Variants in C5 observed in about 807,000 individuals in gnomAD.
C5 encodes complement C5.
Under a neutral mutation model 218.8 loss-of-function variants are expected in C5, and 140 were observed. That is an observed-to-expected ratio of 0.64 (90% CI 0.56 to 0.74). The LOEUF (loss-of-function observed/expected upper bound fraction) is 0.74, where lower values mean the gene tolerates loss of function less well. C5 is among the 30% of genes least tolerant of loss of function. The pLI is 0.00. For missense variants in C5, 1,700 were observed against 1,969.6 expected (o/e 0.86, Z 2.59); for synonymous variants, 614 against 682.3 (o/e 0.90, Z 1.56).
In C5 at chr9:120,958,160, C is replaced by T. The variant is rs1284146149; in HGVS notation, c.4679-792G>A. 2.0e-5 allele frequency among the ~76,000 whole-genome samples: 3 copies of T among 152,168 alleles called. No homozygotes were observed. The East Asian group carries it at 5.8e-4, about 29-fold the overall frequency. ...ACTGATTGAGAGGTAGCTAGGTGAA[C>T]TCATCATGGCAGAACCAGGGGCTAT... is the stretch of plus-strand genomic sequence containing the variant. On this transcript the variant is annotated intron_variant, in intron 38 of 40. Coordinates refer to ENST00000223642, the MANE Select transcript of C5 (RefSeq NM_001735.3).
the C5 span, among the ~76,000 whole-genome samples, chr9:121,068,220 A>G: frequency 1.3e-5 from 2 of 152,242 alleles, no homozygotes; most frequent in African/African-American, 2.4e-5. Flanking sequence ...ACATAATTCT[A>G]TATGTAGAAA....
intron 27 of C5, among the ~76,000 whole-genome samples, chr9:120,981,335 T>C (rs1297838076): frequency 6.6e-6 from 1 of 152,254 alleles, no homozygotes; most frequent in African/African-American, 2.4e-5. Flanking sequence ...AAATCTTCTA[T>C]GTTGATTTAC....
chr9:120,991,432 G>A, intron 22 of C5, 152 bp from the exon 23 acceptor site: 3 of 611,730 alleles, frequency 4.9e-6, no homozygotes, highest in South Asian at 4.1e-5. Context: ...AAATCATCAA[G>A]GACTTTAATC....
At chr9:121,041,769 G>C (rs1256885327) in intron 3 of C5, among the ~76,000 whole-genome samples, 3 of 152,120 alleles carry the variant, frequency 2.0e-5, no homozygotes, top group Non-Finnish European at 4.4e-5. Flanking sequence ...TTGTTTCTAG[G>C]TATGATTATG....
At chr9:120,979,831 A>G in intron 28 of C5, 1 of 441,792 alleles carries the variant, frequency 2.3e-6, no homozygotes, top group Non-Finnish European at 4.2e-6. Flanking sequence ...GTGAGCCACG[A>G]TCATGCCACT....
chr9:120,958,863 G>A (rs773701830), intron 38 of C5, among the ~76,000 whole-genome samples: 1 of 152,130 alleles, frequency 6.6e-6, no homozygotes, highest in East Asian at 1.9e-4. Context: ...ATGGCTTACT[G>A]CAATCTCCAC....
chr9:121,019,061 A>C (rs1366887725), intron 12 of C5, among the ~76,000 whole-genome samples: 3 of 152,174 alleles, frequency 2.0e-5, no homozygotes, highest in Non-Finnish European at 4.4e-5. Flanking sequence ...CGATTAAAAA[A>C]AAATAGATGA....
At chr9:121,030,805 T>C (rs768832439) in intron 6 of C5, among the ~76,000 whole-genome samples, 1 of 152,178 alleles carries the variant, frequency 6.6e-6, no homozygotes, top group Non-Finnish European at 1.5e-5. Context: ...AATTGTGACA[T>C]AACATAATGA....
the C5 span, among the ~76,000 whole-genome samples, chr9:121,068,385 A>C: frequency 6.6e-6 from 1 of 152,184 alleles, no homozygotes; most frequent in South Asian, 2.1e-4. Context: ...CATTTACAAT[A>C]GCTATTAAAA....
intron 2 of C5, among the ~76,000 whole-genome samples, chr9:121,043,402 A>G (rs186529672): frequency 3.5e-4 from 53 of 152,350 alleles, no homozygotes; most frequent in African/African-American, 1.1e-3. Context: ...CATGTTTCCT[A>G]AATTTTATAT....
Position 121,023,473 on chromosome 9 carries a change from G to A in C5, c.1047C>T (p.Leu349=). 1 of 1,613,984 alleles carries A rather than the reference G, an allele frequency of 6.2e-7. No homozygotes were observed. Among genetic ancestry groups the A allele is most frequent in the Non-Finnish European group, 8.5e-7 (1 of 1,179,840 alleles). ...CAACCAAATTCAGTTTGTAGGGAGAGAGGACATATTTGATGCCAGGTATTT... is the reference window on the plus strand; with the variant it reads ...CAACCAAATTCAGTTTGTAGGGAGAAAGGACATATTTGATGCCAGGTATTT... ...EAEIPGIKYV[L]SPYKLNLVAT... The change falls in exon 10 of 41, where the codon CTC becomes CTT. Residue 349 remains leucine (L), a synonymous_variant. Transcript: ENST00000223642.
At chr9:121,033,858 T>C (rs2047499766) in intron 5 of C5, among the ~76,000 whole-genome samples, 1 of 152,048 alleles carries the variant, frequency 6.6e-6, no homozygotes, top group Admixed American at 6.6e-5. Flanking sequence ...AATTTCTTTC[T>C]TTCTTTTCTT....
intron 4 of C5, 63 bp downstream of exon 4, chr9:121,037,818 T>A: frequency 1.3e-6 from 1 of 751,728 alleles, no homozygotes; most frequent in East Asian, 2.7e-5. Flanking sequence ...GACAGGGTTA[T>A]GAAATGAGAT....
At position 121,021,536 on chromosome 9, in the gene C5, T is replaced by C; in HGVS notation, c.1275A>G (p.Pro425=). The C allele has an allele frequency of 6.2e-7, 1 of 1,613,890 alleles. No individual in the cohort carries two copies. The highest frequency in any genetic ancestry group is 8.5e-7 in the Non-Finnish European group (1 of 1,179,820). Residue 425 remains proline, a synonymous_variant, in exon 11 of 41, where the codon CCA becomes CCG. Coordinates refer to ENST00000223642, the MANE Select transcript of C5 (RefSeq NM_001735.3). Reference sequence around the variant, plus strand: ...TAAACTCCAGCACCGTCACTCCAGATGGGAGATTAAGCACAAAGGAAGCTA... The same window carrying C: ...TAAACTCCAGCACCGTCACTCCAGACGGGAGATTAAGCACAAAGGAAGCTA... The part of the protein sequence containing the change: ...DGVASFVLNL[P]SGVTVLEFNV...
Position 120,963,667 on chromosome 9 carries a change from C to A in C5, c.4292G>T (p.Gly1431Val). 1 of 1,613,714 alleles carries A rather than the reference C, an allele frequency of 6.2e-7. No homozygotes were observed. The highest frequency in any genetic ancestry group is 8.5e-7 in the Non-Finnish European group (1 of 1,179,694). ...TAAGTCTTCTTCATTTGCACTGATT[C>A]CAGTAGGCAAGGAGATGTCCATCAC... ...HAVMDISLPT[G>V]ISANEEDLKA... Residue 1431 changes from glycine to valine, a missense_variant, in exon 34 of 41, where the codon GGA becomes GTA. By Grantham distance (109) the Gly-to-Val change is moderately radical. Transcript: ENST00000223642.
upstream of C5, among the ~76,000 whole-genome samples, chr9:121,051,261 T>G (rs2047669310): frequency 6.6e-6 from 1 of 152,080 alleles, no homozygotes; most frequent in East Asian, 1.9e-4. Context: ...TAGCTGGGAC[T>G]ACAGGCATGT....
At position 120,999,515 on chromosome 9, in the gene C5, G is replaced by A. The variant is rs56150367; in HGVS notation, c.2563-1741C>T. Among the ~76,000 whole-genome samples the A allele has an allele frequency of 3.5e-3, 531 of 152,216 alleles. 6 individuals carry two copies. The highest frequency in any genetic ancestry group is 6.8e-3 in the Middle Eastern group (2 of 294). On this transcript the variant is annotated intron_variant, in intron 20 of 40. Transcript: ENST00000223642. ...TGTGTATAATCCTTGCTCAAACCTG[G>A]CTGACCCTTGACCTATGCACAGCAC...
At chr9:120,980,040 CTT>C (rs1241352215) in intron 28 of C5, 41 bp downstream of exon 28, 4 of 1,572,150 alleles carry the variant, frequency 2.5e-6, no homozygotes, top group Non-Finnish European at 3.5e-6. Context: ...GACTTTATGT[CTT>C]AGTGAACACT....
At chr9:120,960,224 G>A (rs1485865522) in intron 38 of C5, 24 bp downstream of exon 38, 4 of 1,429,106 alleles carry the variant, frequency 2.8e-6, no homozygotes, top group East Asian at 4.5e-5. Context: ...GTTTAAAGGA[G>A]CTATATTGAA....
Sources: allele counts gnomAD v4.1 joint callset (sites outside exome capture counted in the v4.1 genomes callset), GRCh38; gene constraint gnomAD v4.1.1; transcripts MANE v1.5; gene names NCBI Gene and HGNC (gene_info 2026-07-23, HGNC 2026-07-21).